SPATA13: variants seen among roughly 807,000 people sequenced by gnomAD.
SPATA13 encodes the protein spermatogenesis associated 13.
A neutral mutation model predicts 104.0 loss-of-function variants in SPATA13; 50 were observed. The observed-to-expected ratio is 0.48, with a 90% CI of 0.38 to 0.61. The LOEUF (loss-of-function observed/expected upper bound fraction) is 0.61. Among genes scored for constraint, SPATA13 ranks in the 20% least tolerant of loss-of-function variants. SPATA13 has a pLI of 0.00. For missense variants in SPATA13, 1,524 were observed against 1,690.6 expected (o/e 0.90, Z 1.73); for synonymous variants, 606 against 667.5 (o/e 0.91, Z 1.42).
intron 2 of SPATA13, among the ~76,000 whole-genome samples, chr13:23,984,357 C>T (rs1934346811): frequency 6.6e-6 from 1 of 152,240 alleles, no homozygotes. Context: ...ACTTTATATT[C>T]TGCCTTCAAA....
In SPATA13 at chr13:24,088,697, T is replaced by C. The variant is rs535398205; in HGVS notation, c.-112+70996T>C. Among the ~76,000 whole-genome samples the C allele has an allele frequency of 1.3e-5, 2 of 152,326 alleles. No individual in the cohort carries two copies. The highest frequency in any genetic ancestry group is 2.9e-5 in the Non-Finnish European group (2 of 68,030). On this transcript the variant is annotated intron_variant, in intron 3 of 14. Transcript: ENST00000424834. The surrounding 1 kb of genome is among the most constrained non-coding windows in gnomAD (Gnocchi z 4.3). ...CAGAAGGTGTATAGTAGAAACTCAG[T>C]GGCACTCGGGCCCTGCTTCTCACTG...
At chr13:24,278,664 C>A in intron 4 of SPATA13, 1 of 1,508,818 alleles carries the variant, frequency 6.6e-7, no homozygotes, top group African/African-American at 1.4e-5. Flanking sequence ...ACACCAATAA[C>A]AAGTACTTGT....
intron 3 of SPATA13, among the ~76,000 whole-genome samples, chr13:24,068,541 G>A (rs1351730945): frequency 6.6e-6 from 1 of 152,166 alleles, no homozygotes; most frequent in Non-Finnish European, 1.5e-5. Flanking sequence ...TTAGGTCTTT[G>A]AAGAATCACC....
intron 1 of SPATA13, among the ~76,000 whole-genome samples, chr13:24,163,953 A>G (rs1175064987): frequency 6.6e-6 from 1 of 152,244 alleles, no homozygotes. Context: ...CTAAACATTT[A>G]AGAAATGTTT....
chr13:24,251,551 T>A, intron 3 of SPATA13, 167 bp from the exon 4 acceptor site: 1 of 1,472,392 alleles, frequency 6.8e-7, no homozygotes, highest in Non-Finnish European at 9.0e-7. Flanking sequence ...AACTGTAGCA[T>A]CATGAGTTGC....
chr13:24,006,867 G>A (rs1228244825), intron 2 of SPATA13, among the ~76,000 whole-genome samples: 1 of 152,244 alleles, frequency 6.6e-6, no homozygotes. Flanking sequence ...TGTAGGGGGA[G>A]AGGATGCCCC....
intron 2 of SPATA13, among the ~76,000 whole-genome samples, chr13:24,248,093 G>A (rs1227057279): frequency 1.3e-5 from 2 of 152,178 alleles, no homozygotes; most frequent in East Asian, 1.9e-4. Flanking sequence ...GGAAGACGGA[G>A]GGCATGCAGG....
intron 1 of SPATA13, among the ~76,000 whole-genome samples, chr13:24,167,467 G>A (rs549085331): frequency 6.6e-6 from 1 of 152,322 alleles, no homozygotes; most frequent in Admixed American, 6.5e-5. Context: ...AGAACACGGG[G>A]CCCACAGGCC....
rs77397451 is a variant in SPATA13 at position 24,099,473 on chromosome 13, C to G, written c.-112+81772C>G. ...CAGTGGCCACGCACACTAGTGGCCG[C>G]CCTGTGGGGCAGTGCAGACATGGGG... On this transcript the variant is annotated intron_variant, in intron 3 of 14. Coordinates refer to the SPATA13 transcript ENST00000424834. Among the ~76,000 whole-genome samples, 995 of 152,316 alleles carry G rather than the reference C, an allele frequency of 6.5e-3. 10 individuals are homozygous for G. The highest frequency in any genetic ancestry group is 0.022 in the African/African-American group (926 of 41,566).
chr13:24,214,522 G>C (rs1871184449), intron 1 of SPATA13, among the ~76,000 whole-genome samples: 1 of 152,170 alleles, frequency 6.6e-6, no homozygotes, highest in African/African-American at 2.4e-5. Flanking sequence ...GAGAAAGCTG[G>C]GTTCAGGGAT....
At chr13:24,142,208 C>A (rs1881785792) in intron 3 of SPATA13, among the ~76,000 whole-genome samples, 1 of 150,598 alleles carries the variant, frequency 6.6e-6, no homozygotes, top group Non-Finnish European at 1.5e-5. Context: ...TAACATCTGA[C>A]ATAACCACAG....
At chr13:24,089,411 G>A (rs910956945) in intron 3 of SPATA13, among the ~76,000 whole-genome samples, 3 of 152,184 alleles carry the variant, frequency 2.0e-5, no homozygotes, top group African/African-American at 7.2e-5. Flanking sequence ...GGACGCTAAG[G>A]ACCAGAGGGG....
intron 3 of SPATA13, among the ~76,000 whole-genome samples, chr13:24,133,219 C>T (rs1274726053): frequency 6.6e-6 from 1 of 152,130 alleles, no homozygotes; most frequent in Non-Finnish European, 1.5e-5. Context: ...CAAACTGCCC[C>T]ACCACAGAAC....
chr13:24,142,110 G>T (rs1881781608), intron 3 of SPATA13, among the ~76,000 whole-genome samples: 1 of 148,464 alleles, frequency 6.7e-6, no homozygotes, highest in Non-Finnish European at 1.5e-5. Flanking sequence ...GTAGGGAAAG[G>T]TTTTTTTTTT....
At chr13:24,016,810 G>A (rs1876733741) in intron 2 of SPATA13, among the ~76,000 whole-genome samples, 1 of 152,256 alleles carries the variant, frequency 6.6e-6, no homozygotes, top group South Asian at 2.1e-4. Context: ...CCCAAGGCCT[G>A]GCTGCTGCAC....
chr13:24,209,281 G>A (rs1379081466), intron 1 of SPATA13, among the ~76,000 whole-genome samples: 1 of 152,182 alleles, frequency 6.6e-6, no homozygotes, highest in African/African-American at 2.4e-5. Flanking sequence ...GCTTTTAGTT[G>A]TCTCAGATAG....
intron 4 of SPATA13, among the ~76,000 whole-genome samples, chr13:24,277,985 C>T (rs1278632557): frequency 6.6e-6 from 1 of 152,004 alleles, no homozygotes; most frequent in African/African-American, 2.4e-5. Context: ...ACTTTAAAAT[C>T]GTGAAAGTAG....
intron 3 of SPATA13, among the ~76,000 whole-genome samples, chr13:24,086,570 C>G (rs1052673898): frequency 6.6e-6 from 1 of 151,896 alleles, no homozygotes; most frequent in Admixed American, 6.6e-5. Flanking sequence ...TGGGGACTGG[C>G]GAGAAGGTGG....
intron 2 of SPATA13, among the ~76,000 whole-genome samples, chr13:24,228,404 C>T (rs556474059): frequency 7.2e-5 from 11 of 152,154 alleles, no homozygotes; most frequent in Admixed American, 5.9e-4. Context: ...CGTGAGCCAC[C>T]GCGCCGAGCC....
Sources: allele counts gnomAD v4.1 joint callset (sites outside exome capture counted in the v4.1 genomes callset), GRCh38; gene constraint gnomAD v4.1.1; non-coding constraint Gnocchi (gnomAD v3.1); transcripts MANE v1.5; gene names NCBI Gene and HGNC (gene_info 2026-07-23, HGNC 2026-07-21).